The following ZBTB20 variants were observed in gnomAD, a reference collection of about 807,000 sequenced individuals.
The protein encoded by ZBTB20 is zinc finger and BTB domain containing 20, also known as zinc finger and BTB domain-containing protein 20.
ZBTB20 carries 9 observed loss-of-function variants against 56.9 expected under a neutral mutation model. The observed-to-expected ratio is 0.16, with a 90% CI of 0.10 to 0.28. ZBTB20 has a LOEUF of 0.28. Among genes scored for constraint, ZBTB20 ranks in the 10% least tolerant of loss-of-function variants. The pLI, the probability that ZBTB20 is intolerant of heterozygous loss-of-function variation, is 1.00. For synonymous variants in ZBTB20, 417 were observed against 420.7 expected (o/e 0.99, Z 0.11); for missense variants, 655 against 1,003.0 (o/e 0.65, Z 4.69).
intron 1 of ZBTB20, among the ~76,000 whole-genome samples, chr3:115,084,285 CAAAA>C (rs11426311): frequency 8.3e-6 from 1 of 119,876 alleles, no homozygotes; most frequent in Non-Finnish European, 1.7e-5. Context: ...TGAAGAGTGC[CAAAA>C]AAAAAAAAAA....
At chr3:114,858,407 A>G (rs2075344127) in intron 4 of ZBTB20, among the ~76,000 whole-genome samples, 1 of 152,174 alleles carries the variant, frequency 6.6e-6, no homozygotes, top group Non-Finnish European at 1.5e-5. Context: ...ACTCACTAAA[A>G]TAACAATAAC....
chr3:114,919,253 A>C (rs2075862482), intron 3 of ZBTB20, among the ~76,000 whole-genome samples: 1 of 152,192 alleles, frequency 6.6e-6, no homozygotes, highest in Non-Finnish European at 1.5e-5. Context: ...AGTTGTTATC[A>C]GTTTAAATTT....
intron 3 of ZBTB20, among the ~76,000 whole-genome samples, chr3:114,961,358 G>T (rs1453328121): frequency 2.0e-5 from 3 of 152,016 alleles, no homozygotes; most frequent in African/African-American, 7.2e-5. Context: ...CTGCATTTTG[G>T]TTTAATCAGA....
chr3:114,962,520 A>C (rs1483341381), intron 3 of ZBTB20, among the ~76,000 whole-genome samples: 1 of 152,106 alleles, frequency 6.6e-6, no homozygotes. Flanking sequence ...TTTCTCTTTA[A>C]ATTCTTATCT....
At chr3:114,576,151 CCT>C (rs1378885530) in intron 6 of ZBTB20, among the ~76,000 whole-genome samples, 6 of 151,976 alleles carry the variant, frequency 3.9e-5, no homozygotes, top group Admixed American at 6.6e-5. Context: ...AATAAGTAAC[CCT>C]GTTATTTTGT....
chr3:114,907,207 A>G (rs1356684529), intron 3 of ZBTB20, among the ~76,000 whole-genome samples: 1 of 33,286 alleles, frequency 3.0e-5, no homozygotes, highest in Non-Finnish European at 1.5e-4. Flanking sequence ...ATTACAAGGC[A>G]GCAGAATGTA....
At chr3:114,510,458 C>A (rs771911208) in intron 6 of ZBTB20, among the ~76,000 whole-genome samples, 126 of 152,034 alleles carry the variant, frequency 8.3e-4, no homozygotes, top group Non-Finnish European at 1.5e-3. Flanking sequence ...GGAAGTGACC[C>A]ACCCACAACG....
chr3:114,684,905 G>A (rs1466390937), intron 6 of ZBTB20, among the ~76,000 whole-genome samples: 1 of 152,088 alleles, frequency 6.6e-6, no homozygotes, highest in Non-Finnish European at 1.5e-5. Context: ...AAAGAGCCCT[G>A]GGGACCATTT....
intron 6 of ZBTB20, among the ~76,000 whole-genome samples, chr3:114,552,992 C>G (rs1008861311): frequency 2.0e-5 from 3 of 152,142 alleles, no homozygotes; most frequent in Non-Finnish European, 4.4e-5. Flanking sequence ...AAGAAGTGTC[C>G]TCAATATAGC....
intron 4 of ZBTB20, among the ~76,000 whole-genome samples, chr3:114,838,753 T>A (rs1042935007): frequency 1.3e-5 from 2 of 152,150 alleles, no homozygotes; most frequent in Non-Finnish European, 2.9e-5. Flanking sequence ...TTTTTTTTAA[T>A]GCCTGCCTTG....
intron 6 of ZBTB20, among the ~76,000 whole-genome samples, chr3:114,618,173 T>G (rs2058065035): frequency 6.6e-6 from 1 of 151,284 alleles, no homozygotes; most frequent in African/African-American, 2.4e-5. Flanking sequence ...TATTAATAAA[T>G]GAATCAATCT....
chr3:115,059,571 C>T (rs1299294924), intron 2 of ZBTB20, among the ~76,000 whole-genome samples: 3 of 152,138 alleles, frequency 2.0e-5, no homozygotes, highest in Non-Finnish European at 4.4e-5. Flanking sequence ...CCAAAGTATG[C>T]ACAGTTTAAT....
intron 1 of ZBTB20, chr3:115,102,505 T>A (rs879694710): frequency 3.9e-5 from 6 of 152,186 alleles, no homozygotes; most frequent in Non-Finnish European, 8.8e-5. Flanking sequence ...TCTGAATTTT[T>A]AAAATAAGGT....
intron 2 of ZBTB20, among the ~76,000 whole-genome samples, chr3:115,063,970 G>A (rs1483450827): frequency 6.6e-6 from 1 of 151,974 alleles, no homozygotes; most frequent in Non-Finnish European, 1.5e-5. Flanking sequence ...ACCTTGAGTA[G>A]TAACAATATT....
chr3:115,128,882 G>A (rs1041767720), intron 1 of ZBTB20, among the ~76,000 whole-genome samples: 5 of 152,130 alleles, frequency 3.3e-5, no homozygotes, highest in East Asian at 1.9e-4. Context: ...GGCAGATCAC[G>A]AGGTCAGGAG....
intron 7 of ZBTB20, among the ~76,000 whole-genome samples, chr3:114,394,514 T>C (rs2086171108): frequency 6.6e-6 from 1 of 152,192 alleles, no homozygotes; most frequent in Non-Finnish European, 1.5e-5. Flanking sequence ...CCAATAAGTA[T>C]AGTCCCTTCC....
In ZBTB20 at chr3:114,315,568, A is replaced by AGAGTGT. The variant is rs1553778290; in HGVS notation, c.*23436_*23437insACACTC. The AGAGTGT allele has an allele frequency of 0.16, 23,363 of 147,516 alleles. 1,975 individuals carry two copies. The highest frequency in any genetic ancestry group is 0.35 in the East Asian group (1,772 of 5,010). 9.1% of individuals were successfully genotyped at this position (147,516 alleles called of 1,614,324 possible). A position where few individuals can be genotyped will look rare whatever the true frequency, so the allele number is the denominator to read the frequency against. On this transcript the variant is annotated 3_prime_UTR_variant, in exon 12 of 12. Transcript: ENST00000675478. ...GTGTGTATTTTAGGTCTAAACATAC[A>AGAGTGT]GTGTGTGTGTGTGTGTGTGTGTGTG...
chr3:114,375,145 C>T (rs2083462089), intron 10 of ZBTB20, among the ~76,000 whole-genome samples: 1 of 152,212 alleles, frequency 6.6e-6, no homozygotes, highest in Non-Finnish European at 1.5e-5. Flanking sequence ...GAACGGATAG[C>T]ACGAGGTTCT....
intron 3 of ZBTB20, among the ~76,000 whole-genome samples, chr3:114,911,481 C>T (rs961360054): frequency 1.3e-5 from 2 of 151,734 alleles, no homozygotes; most frequent in African/African-American, 4.8e-5. Context: ...TCAATAAGTC[C>T]AATGAGATGT....
Sources: gnomAD v4.1 joint callset for allele counts (sites outside exome capture counted in the v4.1 genomes callset) on GRCh38, gnomAD v4.1.1 for gene constraint, MANE v1.5 for transcripts, NCBI Gene and HGNC (gene_info 2026-07-23, HGNC 2026-07-21) for gene names.